SLC22A2: variants seen among roughly 807,000 people sequenced by gnomAD.
SLC22A2 encodes solute carrier family 22 member 2.
A neutral mutation model predicts 60.5 loss-of-function variants in SLC22A2; 46 were observed. That is an observed-to-expected ratio of 0.76 (90% confidence interval 0.60 to 0.97). The LOEUF (loss-of-function observed/expected upper bound fraction) is 0.97. Ranked by LOEUF, SLC22A2 falls within the 50% of genes least tolerant of loss-of-function variation. The probability of loss-of-function intolerance (pLI) is 0.00; values close to 1 mark genes in which losing one functional copy is unlikely to be tolerated. For synonymous variants in SLC22A2, 303 were observed against 267.0 expected, an observed-to-expected ratio of 1.13 and a Z score of -1.31; for missense variants, 701 against 706.6, an observed-to-expected ratio of 0.99 and a Z score of 0.09.
chr6:160,249,243 G>A lies in SLC22A2; in HGVS notation c.815C>T (p.Pro272Leu), dbSNP rs780570465. Residue 272 changes from proline (P) to leucine (L), a missense_variant, in exon 4 of 11, where the codon CCC becomes CTC. Physicochemically the swap from Pro to Leu is moderately conservative, Grantham distance 98. Transcript: ENST00000366953. ...GTAATAGAGCAAGAAGAAGAAGTTG[G>A]GCAGAGAAACTGTGAACTGCAACCA... Reference protein sequence around the residue: ...WRWLQFTVSLPNFFFLLYYWC... With the variant: ...WRWLQFTVSLLNFFFLLYYWC... 1.2e-6 allele frequency: 2 copies of A among 1,604,902 alleles called. No individual in the cohort carries two copies. The highest frequency in any genetic ancestry group is 3.5e-5 in the Admixed American group (2 of 57,816).
Position 160,258,804 on chromosome 6 carries a change from G to C in SLC22A2, c.-47C>G. 6 of 1,497,320 alleles carry C rather than the reference G, an allele frequency of 4.0e-6. No homozygotes were observed. Among genetic ancestry groups the C allele is most frequent in the Non-Finnish European group, 5.3e-6 (6 of 1,123,614 alleles). The allele number at this position is 1,497,320 out of a possible 1,614,324, so 92.8% of individuals were successfully genotyped here. A position where few individuals can be genotyped will look rare whatever the true frequency, so the allele number is the denominator to read the frequency against. On this transcript the variant is annotated 5_prime_UTR_variant, in exon 1 of 11. Coordinates refer to ENST00000366953, the MANE Select transcript of SLC22A2 (RefSeq NM_003058.4). ...CGAGGCTGCCCGACGTGCCCGGAGC[G>C]AGGCTGAGAGCGGCTGCAGCCAGCT...
At chr6:160,251,737 T>G (rs1053353802) in intron 2 of SLC22A2, among the ~76,000 whole-genome samples, 11 of 152,242 alleles carry the variant, frequency 7.2e-5, no homozygotes, top group African/African-American at 2.7e-4. Context: ...GATTGCTCCT[T>G]TTAATGGTGG....
At chr6:160,251,757 G>C (rs1222073366) in intron 2 of SLC22A2, among the ~76,000 whole-genome samples, 1 of 152,170 alleles carries the variant, frequency 6.6e-6, no homozygotes, top group African/African-American at 2.4e-5. Context: ...GATAAACATT[G>C]TTTAATTGAT....
intron 2 of SLC22A2, among the ~76,000 whole-genome samples, chr6:160,254,597 A>G (rs1253845284): frequency 2.0e-5 from 3 of 152,232 alleles, no homozygotes; most frequent in Non-Finnish European, 4.4e-5. Context: ...TAACTATACA[A>G]AAAACAAATT....
intron 10 of SLC22A2, among the ~76,000 whole-genome samples, chr6:160,222,768 T>A (rs955412069): frequency 6.6e-6 from 1 of 152,228 alleles, no homozygotes; most frequent in Non-Finnish European, 1.5e-5. Context: ...GCAGAGGGCA[T>A]GCCCTTGAGA....
intron 2 of SLC22A2, among the ~76,000 whole-genome samples, chr6:160,250,956 A>G (rs1373831674): frequency 6.6e-6 from 1 of 152,176 alleles, no homozygotes; most frequent in Admixed American, 6.5e-5. Flanking sequence ...GTACTTTCTC[A>G]GTCCCACACT....
In SLC22A2 at chr6:160,258,440, G is replaced by C; in HGVS notation, c.318C>G (p.Pro106=). The C allele has an allele frequency of 2.5e-6, 4 of 1,614,144 alleles. No homozygotes were observed. Among genetic ancestry groups the C allele is most frequent in the Non-Finnish European group, 3.4e-6 (4 of 1,180,030 alleles). ...WNQSTFDCVD[P]LASLDTNRSR... The stretch of plus-strand genomic sequence containing the variant: ...TCCTGTTGGTGTCCAGGCTGGCCAG[G>C]GGGTCCACGCAGTCGAAGGTGCTCT... The change falls in exon 1 of 11, where the codon CCC becomes CCG. Residue 106 remains proline (P), a synonymous_variant. Coordinates refer to ENST00000366953, the MANE Select transcript of SLC22A2 (RefSeq NM_003058.4).
chr6:160,218,143 G>A (rs1209281987), intron 10 of SLC22A2: 2 of 222,520 alleles, frequency 9.0e-6, no homozygotes, highest in Admixed American at 5.3e-5. Context: ...GAGTTGGTTA[G>A]TATTGTCTCG....
intron 4 of SLC22A2, among the ~76,000 whole-genome samples, chr6:160,247,563 C>G (rs1442015629): frequency 1.3e-5 from 2 of 152,224 alleles, no homozygotes; most frequent in Admixed American, 6.5e-5. Context: ...AGAGGCAGGT[C>G]CCTCAGGGTG....
chr6:160,238,588 G>A (rs770754067), intron 9 of SLC22A2, among the ~76,000 whole-genome samples: 22 of 152,186 alleles, frequency 1.4e-4, no homozygotes, highest in Admixed American at 4.6e-4. Flanking sequence ...TTTGATTATC[G>A]TTTTATGGCT....
rs1361401498 is a variant in SLC22A2, at chr6:160,242,385, T to G, written c.1297A>C (p.Ile433Leu). 1 of 1,592,988 alleles carries G rather than the reference T, an allele frequency of 6.3e-7. No individual in the cohort carries two copies. The highest frequency in any genetic ancestry group is 8.6e-7 in the Non-Finnish European group (1 of 1,160,840). The change falls in exon 8 of 11, where the codon ATT (isoleucine) becomes CTT (leucine). Residue 433 changes from isoleucine (I) to leucine (L), a missense_variant. Coordinates refer to ENST00000366953, the MANE Select transcript of SLC22A2 (RefSeq NM_003058.4). Reference protein sequence around the residue: ...FIPGDLQWLKIIISCLGRMGI... With the variant: ...FIPGDLQWLKLIISCLGRMGI... ...ATTCTTCCCAAGCATGAGATAATAA[T>G]TTTTAGCCATTGTAGATCTAAGAGG...
At chr6:160,245,348 G>A (rs1322571627) in intron 6 of SLC22A2, 91 bp downstream of exon 6, 2 of 690,058 alleles carry the variant, frequency 2.9e-6, no homozygotes, top group Non-Finnish European at 4.9e-6. Flanking sequence ...CGCTAATACC[G>A]GGATGAGGTC....
chr6:160,223,884 C>T (rs551139433), intron 10 of SLC22A2, among the ~76,000 whole-genome samples: 9 of 152,234 alleles, frequency 5.9e-5, no homozygotes, highest in South Asian at 2.1e-4. Context: ...CATACCACCA[C>T]ACCCAGATAA....
chr6:160,240,285 T>C (rs1048842459), intron 9 of SLC22A2, among the ~76,000 whole-genome samples: 9 of 152,172 alleles, frequency 5.9e-5, no homozygotes, highest in South Asian at 2.1e-4. Flanking sequence ...ATTTTACATA[T>C]GATAAGGTGA....
chr6:160,254,843 A>G (rs1783242609), intron 2 of SLC22A2, among the ~76,000 whole-genome samples: 1 of 152,226 alleles, frequency 6.6e-6, no homozygotes, highest in Non-Finnish European at 1.5e-5. Flanking sequence ...TAACACAGGA[A>G]TGCACTGTCA....
intron 7 of SLC22A2, among the ~76,000 whole-genome samples, chr6:160,243,193 T>G (rs185555638): frequency 6.6e-6 from 1 of 152,134 alleles, no homozygotes; most frequent in East Asian, 1.9e-4. Context: ...ACTTACATTT[T>G]TCTCATTTAT....
At chr6:160,251,356 T>G (rs1173616017) in intron 2 of SLC22A2, among the ~76,000 whole-genome samples, 1 of 152,196 alleles carries the variant, frequency 6.6e-6, no homozygotes, top group Admixed American at 6.5e-5. Flanking sequence ...ATTGGCAACC[T>G]GGGTTTCATC....
At chr6:160,249,878 C>T (rs1350302379) in intron 3 of SLC22A2, among the ~76,000 whole-genome samples, 1 of 152,208 alleles carries the variant, frequency 6.6e-6, no homozygotes, top group Non-Finnish European at 1.5e-5. Flanking sequence ...TCAGCTAGTG[C>T]TGGCTGGCAG....
At chr6:160,223,088 G>C (rs557913335) in intron 10 of SLC22A2, among the ~76,000 whole-genome samples, 1 of 152,150 alleles carries the variant, frequency 6.6e-6, no homozygotes, top group South Asian at 2.1e-4. Context: ...AAACATGAAG[G>C]TTTGGTAAAA....
Sources: allele counts gnomAD v4.1 joint callset (sites outside exome capture counted in the v4.1 genomes callset), GRCh38; gene constraint gnomAD v4.1.1; transcripts MANE v1.5; gene names NCBI Gene and HGNC (gene_info 2026-07-23, HGNC 2026-07-21).